The following DPP10 variants were observed in gnomAD, a reference collection of about 807,000 sequenced individuals.
The protein encoded by DPP10 is dipeptidyl peptidase like 10, also known as inactive dipeptidyl peptidase 10.
A neutral mutation model predicts 120.9 loss-of-function variants in DPP10; 33 were observed. The observed-to-expected ratio is 0.27, with a 90% CI of 0.21 to 0.37. DPP10 has a LOEUF of 0.37. DPP10 is among the 10% of genes least tolerant of loss of function. DPP10 has a pLI of 1.00. For missense variants in DPP10, 816 were observed against 942.8 expected (o/e 0.87, Z 1.76); for synonymous variants, 337 against 326.1 (o/e 1.03, Z -0.36).
At chr2:115,207,448 C>CAAAAAAAAAAA (rs1574011539) in intron 1 of DPP10, among the ~76,000 whole-genome samples, 2 of 87,930 alleles carry the variant, frequency 2.3e-5, no homozygotes, top group African/African-American at 9.7e-5. Context: ...AAAAAAAAAG[C>CAAAAAAAAAAA]TTTCTCCTGG....
At chr2:114,974,022 A>G (rs1026247348) in intron 1 of DPP10, among the ~76,000 whole-genome samples, 4 of 152,236 alleles carry the variant, frequency 2.6e-5, no homozygotes, top group African/African-American at 9.6e-5. Context: ...TTATTACAGA[A>G]GAATCAGAAA....
chr2:114,676,971 T>C (rs1234853665), intron 1 of DPP10, among the ~76,000 whole-genome samples: 1 of 152,080 alleles, frequency 6.6e-6, no homozygotes, highest in Non-Finnish European at 1.5e-5. Flanking sequence ...CTCACTTAAC[T>C]TATACTCAAG....
At chr2:114,497,566 G>T (rs1333405334) in intron 1 of DPP10, among the ~76,000 whole-genome samples, 5 of 151,728 alleles carry the variant, frequency 3.3e-5, no homozygotes, top group Admixed American at 6.6e-5. Flanking sequence ...CCCATTATGG[G>T]TCTATAATTT....
At chr2:114,490,333 A>G (rs990434540) in intron 1 of DPP10, among the ~76,000 whole-genome samples, 1 of 152,122 alleles carries the variant, frequency 6.6e-6, no homozygotes, top group African/African-American at 2.4e-5. Flanking sequence ...CTGTGTAGGC[A>G]TTTTCCATTC....
intron 3 of DPP10, among the ~76,000 whole-genome samples, chr2:115,372,915 A>G (rs1434278115): frequency 6.6e-6 from 1 of 152,232 alleles, no homozygotes; most frequent in Non-Finnish European, 1.5e-5. Context: ...CACAATCAAG[A>G]CATAATATCT....
intron 1 of DPP10, among the ~76,000 whole-genome samples, chr2:115,032,713 T>A (rs1267440641): frequency 3.3e-5 from 5 of 150,798 alleles, no homozygotes; most frequent in African/African-American, 9.8e-5. Flanking sequence ...AAACCCGGTA[T>A]CTACTGAAAA....
intron 1 of DPP10, among the ~76,000 whole-genome samples, chr2:114,909,202 G>T (rs903474338): frequency 6.6e-6 from 1 of 151,904 alleles, no homozygotes; most frequent in Admixed American, 6.6e-5. Flanking sequence ...AGAAAATTCA[G>T]TTGATTTCTC....
chr2:115,421,704 C>G (rs924472608), intron 3 of DPP10, among the ~76,000 whole-genome samples: 3 of 151,654 alleles, frequency 2.0e-5, no homozygotes, highest in Non-Finnish European at 4.4e-5. Flanking sequence ...AACCCTGTCT[C>G]TACTAAATGT....
At chr2:114,460,288 A>G (rs1678825811) in intron 1 of DPP10, among the ~76,000 whole-genome samples, 2 of 152,202 alleles carry the variant, frequency 1.3e-5, no homozygotes, top group Non-Finnish European at 2.9e-5. Context: ...GGAAACTGAC[A>G]TATAAAATGA....
At chr2:115,706,486 A>T (rs1478872523) in intron 7 of DPP10, among the ~76,000 whole-genome samples, 3 of 151,940 alleles carry the variant, frequency 2.0e-5, no homozygotes, top group Non-Finnish European at 2.9e-5. Flanking sequence ...GCATAATCTA[A>T]TATACACAAT....
At chr2:114,952,569 G>A (rs1240786777) in intron 1 of DPP10, among the ~76,000 whole-genome samples, 7 of 150,432 alleles carry the variant, frequency 4.7e-5, no homozygotes, top group African/African-American at 7.3e-5. Context: ...ATGAAACTTC[G>A]ATCTCTAAAA....
intron 2 of DPP10, among the ~76,000 whole-genome samples, chr2:115,330,612 T>G (rs1378867402): frequency 1.3e-5 from 2 of 152,116 alleles, no homozygotes; most frequent in South Asian, 2.1e-4. Flanking sequence ...AATTTTTGTA[T>G]AAGGTGTAAG....
chr2:115,040,336 C>T (rs1284864756), intron 1 of DPP10, among the ~76,000 whole-genome samples: 1 of 151,972 alleles, frequency 6.6e-6, no homozygotes. Flanking sequence ...TAACCCTCCT[C>T]AGAGTTAGCA....
intron 7 of DPP10, among the ~76,000 whole-genome samples, chr2:115,723,618 T>G (rs543542028): frequency 0.01 from 386 of 37,072 alleles, 1 homozygote; most frequent in African/African-American, 0.013. Context: ...TGTTGTTGTT[T>G]TTTGTTTTTT....
At chr2:115,573,233 C>T (rs2081441048) in intron 5 of DPP10, among the ~76,000 whole-genome samples, 1 of 151,342 alleles carries the variant, frequency 6.6e-6, no homozygotes, top group Non-Finnish European at 1.5e-5. Flanking sequence ...GAAGTACTAG[C>T]CCTGCAGGAC....
At chr2:114,677,531 A>G (rs1404698659) in intron 1 of DPP10, among the ~76,000 whole-genome samples, 1 of 152,132 alleles carries the variant, frequency 6.6e-6, no homozygotes, top group Non-Finnish European at 1.5e-5. Context: ...CTTCACACAT[A>G]GATCACCCTA....
chr2:115,780,512 C>G (rs1374108678), intron 15 of DPP10, among the ~76,000 whole-genome samples: 2 of 151,664 alleles, frequency 1.3e-5, no homozygotes, highest in Non-Finnish European at 3.0e-5. Flanking sequence ...TGAATAATCT[C>G]TGTGGGAAAT....
At chr2:115,750,445 G>T (rs1026300381) in intron 10 of DPP10, among the ~76,000 whole-genome samples, 2 of 152,152 alleles carry the variant, frequency 1.3e-5, no homozygotes, top group Non-Finnish European at 2.9e-5. Flanking sequence ...ATGGTCGTTT[G>T]TTAGACTTTA....
In DPP10 at chr2:114,681,898, G is replaced by A. The variant is rs114719228; in HGVS notation, c.60+239060G>A. Among the ~76,000 whole-genome samples the A allele has an allele frequency of 6.0e-3, 917 of 152,108 alleles. 8 individuals are homozygous for A. The highest frequency in any genetic ancestry group is 8.6e-3 in the Admixed American group (131 of 15,244). On this transcript the variant is annotated intron_variant, in intron 1 of 25. Transcript: ENST00000410059. ...CTGTAATGATAAGAAGAAATAAATG[G>A]TGCTACAATGCTTAGGAAAGATTGT...
Sources: gnomAD v4.1 joint callset for allele counts (sites outside exome capture counted in the v4.1 genomes callset) on GRCh38, gnomAD v4.1.1 for gene constraint, MANE v1.5 for transcripts, NCBI Gene and HGNC (gene_info 2026-07-23, HGNC 2026-07-21) for gene names.